NFIA: variants seen among roughly 807,000 people sequenced by gnomAD.
NFIA encodes nuclear factor 1 A-type.
A neutral mutation model predicts 62.8 loss-of-function variants in NFIA; 8 were observed. That is an observed-to-expected ratio of 0.13 (90% CI 0.07 to 0.23). NFIA has a LOEUF of 0.23. Among genes scored for constraint, NFIA ranks in the 10% least tolerant of loss-of-function variants. NFIA has a pLI of 1.00. For missense variants in NFIA, 410 were observed against 642.1 expected, an observed-to-expected ratio of 0.64 and a Z score of 3.91; for synonymous variants, 235 against 238.1, an observed-to-expected ratio of 0.99 and a Z score of 0.12.
chr1:61,202,401 G>GAGT (rs1215595414), intron 2 of NFIA, among the ~76,000 whole-genome samples: 1 of 152,138 alleles, frequency 6.6e-6, no homozygotes, highest in Non-Finnish European at 1.5e-5. Context: ...GTTGACAGGA[G>GAGT]AGTACATCCT....
intron 2 of NFIA, among the ~76,000 whole-genome samples, chr1:61,274,230 C>T (rs553935534): frequency 1.3e-5 from 2 of 152,296 alleles, no homozygotes; most frequent in South Asian, 4.1e-4. Flanking sequence ...GAGTTCTTAA[C>T]CTAGCCTCCC....
intron 2 of NFIA, among the ~76,000 whole-genome samples, chr1:61,154,803 C>G (rs1648675554): frequency 6.6e-6 from 1 of 152,200 alleles, no homozygotes; most frequent in Admixed American, 6.5e-5. Context: ...TAGAAGTAAT[C>G]TGCATATAAA....
At chr1:61,345,580 G>A (rs529821904) in intron 4 of NFIA, among the ~76,000 whole-genome samples, 1 of 152,168 alleles carries the variant, frequency 6.6e-6, no homozygotes, top group South Asian at 2.1e-4. Context: ...AGCAGGAGGG[G>A]AGTGGCGGGT....
At chr1:61,356,798 G>A (rs950163941) in intron 5 of NFIA, among the ~76,000 whole-genome samples, 1 of 152,184 alleles carries the variant, frequency 6.6e-6, no homozygotes, top group Non-Finnish European at 1.5e-5. Flanking sequence ...TGGCTTTAAT[G>A]AGAATAGAAC....
At chr1:61,149,030 ATTTC>A (rs1249530595) in intron 2 of NFIA, among the ~76,000 whole-genome samples, 1 of 147,276 alleles carries the variant, frequency 6.8e-6, no homozygotes, top group Non-Finnish European at 1.5e-5. Flanking sequence ...TGCCTGGTTA[ATTTC>A]TTTCTTTTCT....
intron 10 of NFIA, among the ~76,000 whole-genome samples, chr1:61,444,306 C>G (rs114971565): frequency 0.011 from 1,629 of 152,318 alleles, 29 homozygotes; most frequent in African/African-American, 0.038. Flanking sequence ...CTGCCTTTCT[C>G]TCTGTCCTTC....
At chr1:61,441,048 A>G (rs1314990986) in intron 10 of NFIA, among the ~76,000 whole-genome samples, 2 of 152,184 alleles carry the variant, frequency 1.3e-5, no homozygotes, top group Non-Finnish European at 2.9e-5. Flanking sequence ...ACAACTTGCA[A>G]GGCCCCAAAG....
At chr1:61,209,287 G>A (rs949420024) in intron 2 of NFIA, among the ~76,000 whole-genome samples, 14 of 152,072 alleles carry the variant, frequency 9.2e-5, no homozygotes, top group East Asian at 1.9e-4. Flanking sequence ...AAAAGCCGTC[G>A]TGTGTATACA....
intron 2 of NFIA, among the ~76,000 whole-genome samples, chr1:61,271,156 A>G (rs74086713): frequency 0.05 from 7,617 of 152,284 alleles, 556 homozygotes; most frequent in African/African-American, 0.16. Flanking sequence ...AAGCTTAGAA[A>G]TGATCCTCCC....
intron 2 of NFIA, among the ~76,000 whole-genome samples, chr1:61,135,715 C>T (rs2100496724): frequency 6.6e-6 from 1 of 152,250 alleles, no homozygotes. Context: ...TATTATAGGC[C>T]TCACCTTAGG....
chr1:61,369,743 T>C (rs1220993423), intron 6 of NFIA, among the ~76,000 whole-genome samples: 1 of 152,072 alleles, frequency 6.6e-6, no homozygotes, highest in Non-Finnish European at 1.5e-5. Context: ...TATTGAGCAC[T>C]TACTATGGGC....
intron 2 of NFIA, among the ~76,000 whole-genome samples, chr1:61,120,054 G>A (rs1167768665): frequency 1.3e-5 from 2 of 152,166 alleles, no homozygotes; most frequent in African/African-American, 2.4e-5. Flanking sequence ...TCAAGGCCAA[G>A]GTAAAGGGAT....
rs2147962019 is a variant in NFIA at position 61,460,340 on chromosome 1, A to G, written c.*5020A>G. 6.6e-6 allele frequency: 1 copy of G among 152,364 alleles called. No individual in the cohort carries two copies. The highest frequency in any genetic ancestry group is 1.5e-5 in the Non-Finnish European group (1 of 68,036). 9.4% of individuals were successfully genotyped at this position (152,364 alleles called of 1,614,324 possible). On this transcript the variant is annotated 3_prime_UTR_variant, in exon 11 of 11. Transcript: ENST00000403491. ...TAGCAGGTAACATTGAAGCTATTCC[A>G]TAGCACTTAACTGTAGTGAATACTG... is the stretch of plus-strand genomic sequence containing the variant.
chr1:61,129,980 T>C (rs1647045403), intron 2 of NFIA, among the ~76,000 whole-genome samples: 2 of 152,178 alleles, frequency 1.3e-5, no homozygotes, highest in East Asian at 1.9e-4. Context: ...CTTGGCTTGA[T>C]AGGCAAGGAA....
At chr1:61,228,041 T>C (rs563534731) in intron 2 of NFIA, among the ~76,000 whole-genome samples, 1 of 152,368 alleles carries the variant, frequency 6.6e-6, no homozygotes, top group African/African-American at 2.4e-5. Flanking sequence ...CTTGAAGATC[T>C]GTTTTGGCTT....
chr1:61,141,628 T>A (rs1182722331), intron 2 of NFIA, among the ~76,000 whole-genome samples: 1 of 152,202 alleles, frequency 6.6e-6, no homozygotes, highest in Non-Finnish European at 1.5e-5. Flanking sequence ...TTTATATCCT[T>A]TCTGAAGGCC....
intron 4 of NFIA, among the ~76,000 whole-genome samples, chr1:61,333,875 C>T (rs1661440021): frequency 6.6e-6 from 1 of 152,110 alleles, no homozygotes; most frequent in Non-Finnish European, 1.5e-5. Context: ...TGGTGCACGC[C>T]TATGGCCCCA....
At chr1:61,404,996 G>C (rs978885062) in intron 8 of NFIA, among the ~76,000 whole-genome samples, 3 of 152,170 alleles carry the variant, frequency 2.0e-5, no homozygotes, top group Admixed American at 6.5e-5. Context: ...GTGGAAAGCT[G>C]TATCTCAAGG....
chr1:61,198,032 A>T (rs772190184), intron 2 of NFIA, among the ~76,000 whole-genome samples: 1 of 152,168 alleles, frequency 6.6e-6, no homozygotes, highest in Non-Finnish European at 1.5e-5. Context: ...GAACGAACAG[A>T]CATAGATAGT....
Sources: allele counts gnomAD v4.1 joint callset (sites outside exome capture counted in the v4.1 genomes callset), GRCh38; gene constraint gnomAD v4.1.1; transcripts MANE v1.5; gene names NCBI Gene and HGNC (gene_info 2026-07-23, HGNC 2026-07-21).